The following ANKRD29 variants were observed in gnomAD, a reference collection of about 807,000 sequenced individuals.
ANKRD29 encodes the protein ankyrin repeat domain-containing protein 29.
ANKRD29 carries 32 observed loss-of-function variants against 38.0 expected under a neutral mutation model. The observed-to-expected ratio is 0.84, with a 90% confidence interval of 0.64 to 1.13. The LOEUF (loss-of-function observed/expected upper bound fraction) is 1.13. Among genes scored for constraint, ANKRD29 ranks in the 50% most tolerant of loss-of-function variants. ANKRD29 has a pLI of 0.00. For missense variants in ANKRD29, 357 were observed against 377.9 expected (o/e 0.94, Z 0.46); for synonymous variants, 135 against 152.4 (o/e 0.89, Z 0.84).
Position 23,622,115 on chromosome 18 carries a change from A to T in ANKRD29, c.529-2486T>A, listed in dbSNP as rs139270056. ...TGGGAGGGCTGCTGCATGGGGAATG[A>T]GGGCTCAGTGTCCTGGATAGAGTGC... On this transcript the variant is annotated intron_variant, in intron 6 of 9. Transcript: ENST00000592179. 1.1e-3 allele frequency among the ~76,000 whole-genome samples: 167 copies of T among 152,304 alleles called. 4 individuals carry two copies. In the East Asian group the frequency reaches 0.031, roughly 28 times the overall value.
chr18:23,646,077 T>C, intron 3 of ANKRD29, 112 bp downstream of exon 3: 1 of 973,300 alleles, frequency 1.0e-6, no homozygotes, highest in Non-Finnish European at 1.5e-6. Flanking sequence ...CAATGGGCTT[T>C]AATGTGGGAG....
Position 23,612,329 on chromosome 18 carries a change from A to C in ANKRD29, c.724-139T>G, listed in dbSNP as rs570999266. 21 of 666,802 alleles carry C rather than the reference A, an allele frequency of 3.1e-5. No homozygotes were observed. The South Asian group carries it at 4.2e-4, about 13-fold the overall frequency. The allele number at this position is 666,802 out of a possible 1,614,324, so 41.3% of individuals were successfully genotyped here. ...TCCTTATCTTGCCTTGTACTTTTCA[A>C]AGTCACATCAGCCCCTAGTATAGTG... On this transcript the variant is annotated intron_variant, in intron 8 of 9. Transcript: ENST00000592179.
intron 8 of ANKRD29, 137 bp downstream of exon 8, chr18:23,617,595 C>G: frequency 2.1e-6 from 1 of 479,092 alleles, no homozygotes. Context: ...TCTCCAGCAT[C>G]AAGAAGCTGC....
intron 2 of ANKRD29, chr18:23,647,942 C>T (rs1180351571): frequency 6.6e-6 from 1 of 152,196 alleles, no homozygotes; most frequent in Admixed American, 6.6e-5. Context: ...GGGTGTAGGG[C>T]ATCTACAAAG....
chr18:23,609,484 G>T (rs546018904), intron 9 of ANKRD29, among the ~76,000 whole-genome samples: 1 of 152,172 alleles, frequency 6.6e-6, no homozygotes, highest in Non-Finnish European at 1.5e-5. Context: ...CTGGCTCTGC[G>T]TGAATTACTC....
At chr18:23,648,951 T>TA (rs1308802815) in intron 2 of ANKRD29, 132 bp downstream of exon 2, 1 of 759,736 alleles carries the variant, frequency 1.3e-6, no homozygotes, top group East Asian at 2.7e-5. Flanking sequence ...TTGGATGTTT[T>TA]AAAAAGGATA....
rs754190407 is a variant in ANKRD29, at chr18:23,629,896, C to T, written c.485G>A (p.Arg162Gln). The change falls in exon 6 of 10, where the codon CGA becomes CAA. Residue 162 changes from arginine (R) to glutamine (Q), a missense_variant. Arg to Gln is a conservative substitution (Grantham distance 43). Coordinates refer to ENST00000592179, the MANE Select transcript of ANKRD29 (RefSeq NM_173505.4). ...AAQGGYLDVI[R>Q]LLLASGAKVN... ...TTTTGCTCCTGAAGCCAGCAGTAAT[C>T]GAATAACATCCAAGTAACCACCTTG... 1.6e-5 allele frequency: 26 copies of T among 1,614,112 alleles called. No individual in the cohort carries two copies. The highest frequency in any genetic ancestry group is 1.4e-4 in the South Asian group (13 of 91,058).
At chr18:23,611,871 GAAA>G (rs370656453) in intron 9 of ANKRD29, among the ~76,000 whole-genome samples, 1 of 141,196 alleles carries the variant, frequency 7.1e-6, no homozygotes, top group East Asian at 2.0e-4. Flanking sequence ...TGTTAAAAAA[GAAA>G]AAAAAAAACC....
At chr18:23,634,968 T>C (rs954783184) in intron 4 of ANKRD29, among the ~76,000 whole-genome samples, 1 of 152,210 alleles carries the variant, frequency 6.6e-6, no homozygotes, top group Non-Finnish European at 1.5e-5. Flanking sequence ...TGGGACAAGA[T>C]CTGCTGCCAT....
At chr18:23,607,588 C>A (rs2059589350) in intron 9 of ANKRD29, among the ~76,000 whole-genome samples, 1 of 152,204 alleles carries the variant, frequency 6.6e-6, no homozygotes, top group Non-Finnish European at 1.5e-5. Context: ...ACTTTCAAAT[C>A]ATGTTGTCAA....
rs535772421 is a variant in ANKRD29, at chr18:23,656,009, C to T, written c.21+6701G>A. 2.3e-3 allele frequency among the ~76,000 whole-genome samples: 340 copies of T among 147,096 alleles called. 1 individual carries two copies. Among genetic ancestry groups the T allele is most frequent in the African/African-American group, 8.1e-3 (323 of 39,926 alleles). On this transcript the variant is annotated intron_variant, in intron 1 of 9. Transcript: ENST00000592179. ...TCGGGAGGCTGAGGCAGGAGAATGGCGTGAACCCGGGAGGCGGAGCTTGCA... is the reference window on the plus strand; with the variant it reads ...TCGGGAGGCTGAGGCAGGAGAATGGTGTGAACCCGGGAGGCGGAGCTTGCA...
intron 4 of ANKRD29, among the ~76,000 whole-genome samples, chr18:23,637,439 C>A (rs990053750): frequency 6.6e-6 from 1 of 152,006 alleles, no homozygotes; most frequent in Admixed American, 6.6e-5. Context: ...CCTTTGTGAC[C>A]CAGGCTGGAG....
intron 6 of ANKRD29, among the ~76,000 whole-genome samples, chr18:23,624,236 T>C (rs902565412): frequency 2.0e-5 from 3 of 150,730 alleles, no homozygotes; most frequent in African/African-American, 4.8e-5. Flanking sequence ...GAGGCCGAGG[T>C]GGGGCAAATC....
At position 23,601,001 on chromosome 18, in the gene ANKRD29, C is replaced by T. The variant is rs1190320401; in HGVS notation, c.*225G>A. 6.9e-6 allele frequency: 3 copies of T among 433,346 alleles called. No homozygotes were observed. The highest frequency in any genetic ancestry group is 4.0e-5 in the African/African-American group (2 of 50,276). 26.8% of individuals were successfully genotyped at this position (433,346 alleles called of 1,614,324 possible). A position where few individuals can be genotyped will look rare whatever the true frequency, so the allele number is the denominator to read the frequency against. On this transcript the variant is annotated 3_prime_UTR_variant, in exon 10 of 10. Coordinates refer to ENST00000592179, the MANE Select transcript of ANKRD29 (RefSeq NM_173505.4). ...GCCAGGCCCCCCGGGAGATGAGTTA[C>T]AGGACACCATGAGAAGTCCATGGTG...
chr18:23,659,932 G>A (rs529789531), intron 1 of ANKRD29, among the ~76,000 whole-genome samples: 6 of 151,866 alleles, frequency 4.0e-5, no homozygotes, highest in Admixed American at 1.3e-4. Flanking sequence ...CCAACATGGT[G>A]AAACCCCGTC....
chr18:23,649,151 T>C lies in ANKRD29; in HGVS notation c.64A>G (p.Arg22Gly). 1 of 1,614,062 alleles carries C rather than the reference T, an allele frequency of 6.2e-7. No individual in the cohort carries two copies. The highest frequency in any genetic ancestry group is 8.5e-7 in the Non-Finnish European group (1 of 1,180,000). Residue 22 changes from arginine (R) to glycine (G), a missense_variant, in exon 2 of 10, where the codon AGA becomes GGA. Coordinates refer to ENST00000592179, the MANE Select transcript of ANKRD29 (RefSeq NM_173505.4). ...LANAAFWAAR[R>G]GNLALLKLLL... ...AGCTTCAGCAGCGCCAGGTTTCCTC[T>C]CCTGGCTGCCCAGAATGCAGCATTG...
chr18:23,650,557 C>T (rs557615060), intron 1 of ANKRD29, among the ~76,000 whole-genome samples: 57 of 152,206 alleles, frequency 3.7e-4, no homozygotes, highest in Non-Finnish European at 6.2e-4. Context: ...GTACAATCTT[C>T]TTCTCTAAAA....
In ANKRD29 at chr18:23,601,407, A is replaced by G. The variant is rs1053146937; in HGVS notation, c.823-98T>C. On this transcript the variant is annotated intron_variant, in intron 9 of 9. Transcript: ENST00000592179. Reference sequence around the variant, plus strand: ...TTTGACCCACTCTTTCTCCTTCACTAATGAAAAAAATCCACACTGGACTCA... The same window carrying G: ...TTTGACCCACTCTTTCTCCTTCACTGATGAAAAAAATCCACACTGGACTCA... The G allele has an allele frequency of 3.0e-5, 27 of 911,644 alleles. No individual in the cohort carries two copies. The East Asian group carries it at 6.9e-4, about 23-fold the overall frequency. The allele number at this position is 911,644 out of a possible 1,614,324, so 56.5% of individuals were successfully genotyped here. A position where few individuals can be genotyped will look rare whatever the true frequency, so the allele number is the denominator to read the frequency against.
intron 2 of ANKRD29, chr18:23,646,838 A>C (rs1568044603): frequency 6.6e-6 from 1 of 152,620 alleles, no homozygotes. Flanking sequence ...AATTACTTGG[A>C]CTCATTTATT....
Sources: gnomAD v4.1 joint callset for allele counts (sites outside exome capture counted in the v4.1 genomes callset) on GRCh38, gnomAD v4.1.1 for gene constraint, MANE v1.5 for transcripts, NCBI Gene and HGNC (gene_info 2026-07-23, HGNC 2026-07-21) for gene names.